The following HIBADH variants were observed in gnomAD, a reference collection of about 807,000 sequenced individuals.
HIBADH encodes the protein 3-hydroxyisobutyrate dehydrogenase.
A neutral mutation model predicts 36.1 loss-of-function variants in HIBADH; 25 were observed. The ratio of observed to expected loss-of-function variants is 0.69; its 90% CI spans 0.50 to 0.97. The LOEUF (loss-of-function observed/expected upper bound fraction) is 0.97, where lower values mean the gene tolerates loss of function less well. Ranked by LOEUF, HIBADH falls within the 50% of genes least tolerant of loss-of-function variation. The pLI is 0.00. For synonymous variants in HIBADH, 160 were observed against 149.5 expected (o/e 1.07, Z -0.51); for missense variants, 421 against 418.0 (o/e 1.01, Z -0.06).
chr7:27,609,100 T>C (rs1031307010), intron 4 of HIBADH, among the ~76,000 whole-genome samples: 7 of 152,196 alleles, frequency 4.6e-5, no homozygotes, highest in Admixed American at 2.0e-4. Flanking sequence ...TTGGCAATAA[T>C]AGTAATTATT....
intron 7 of HIBADH, among the ~76,000 whole-genome samples, chr7:27,529,780 A>C (rs1428691997): frequency 6.6e-6 from 1 of 152,238 alleles, no homozygotes; most frequent in Non-Finnish European, 1.5e-5. Context: ...AAATGCTATC[A>C]AACAGTAGCA....
chr7:27,537,365 T>C (rs912485110), intron 6 of HIBADH, among the ~76,000 whole-genome samples: 1 of 152,176 alleles, frequency 6.6e-6, no homozygotes, highest in Admixed American at 6.6e-5. Context: ...CATCTTGATA[T>C]GGTAATTAAG....
At chr7:27,633,379 T>G (rs2128294779) in intron 2 of HIBADH, among the ~76,000 whole-genome samples, 1 of 152,262 alleles carries the variant, frequency 6.6e-6, no homozygotes, top group South Asian at 2.1e-4. Flanking sequence ...AAGAATCAGC[T>G]GGGCACAATG....
chr7:27,662,305 G>A (rs1343268546), intron 1 of HIBADH, among the ~76,000 whole-genome samples: 1 of 152,128 alleles, frequency 6.6e-6, no homozygotes, highest in African/African-American at 2.4e-5. Context: ...TGGGGGCGCT[G>A]AAAGACCAGG....
At chr7:27,648,292 C>T (rs1786114162) in intron 2 of HIBADH, among the ~76,000 whole-genome samples, 3 of 152,120 alleles carry the variant, frequency 2.0e-5, no homozygotes, top group Non-Finnish European at 2.9e-5. Flanking sequence ...GTGTAATATC[C>T]GTATTCAGAG....
chr7:27,604,380 A>T (rs1273428292), intron 4 of HIBADH, among the ~76,000 whole-genome samples: 2 of 152,086 alleles, frequency 1.3e-5, no homozygotes, highest in Non-Finnish European at 2.9e-5. Context: ...TATAATTATG[A>T]ATAGTAAGTA....
chr7:27,580,804 G>A (rs544268772), intron 4 of HIBADH, among the ~76,000 whole-genome samples: 1 of 152,262 alleles, frequency 6.6e-6, no homozygotes, highest in East Asian at 1.9e-4. Context: ...ACCTATTAAG[G>A]AACAACTCCT....
At position 27,541,602 on chromosome 7, in the gene HIBADH, C is replaced by T. The variant is rs146126219; in HGVS notation, c.618+1365G>A. ...TGTTTATCTTGAAATGGAGGGCAAA[C>T]GCAGCCGCAGACCTCAATCCATGGT... On this transcript the variant is annotated intron_variant, in intron 5 of 7. Coordinates refer to ENST00000265395, the MANE Select transcript of HIBADH (RefSeq NM_152740.4). 1.0e-3 allele frequency: 272 copies of T among 264,026 alleles called. 1 individual carries two copies. Among genetic ancestry groups the T allele is most frequent in the African/African-American group, 5.8e-3 (248 of 43,014 alleles). 16.4% of individuals were successfully genotyped at this position (264,026 alleles called of 1,614,324 possible). A position where few individuals can be genotyped will look rare whatever the true frequency, so the allele number is the denominator to read the frequency against.
At chr7:27,600,100 T>C (rs1785103812) in intron 4 of HIBADH, among the ~76,000 whole-genome samples, 1 of 152,194 alleles carries the variant, frequency 6.6e-6, no homozygotes, top group Admixed American at 6.5e-5. Flanking sequence ...TTCACATTTC[T>C]TATTTTTCTT....
chr7:27,558,044 T>C (rs958560952), intron 4 of HIBADH, among the ~76,000 whole-genome samples: 12 of 152,186 alleles, frequency 7.9e-5, no homozygotes, highest in African/African-American at 9.7e-5. Context: ...TTCTGGACTT[T>C]CCATTTTTCT....
chr7:27,634,705 C>G (rs1785807176), intron 2 of HIBADH, among the ~76,000 whole-genome samples: 1 of 152,238 alleles, frequency 6.6e-6, no homozygotes, highest in Non-Finnish European at 1.5e-5. Flanking sequence ...ATTGAGTTCT[C>G]TCCCACTGAA....
chr7:27,548,957 T>A (rs2128185180), intron 4 of HIBADH, among the ~76,000 whole-genome samples: 1 of 152,310 alleles, frequency 6.6e-6, no homozygotes, highest in East Asian at 1.9e-4. Flanking sequence ...TAGGTAGGCA[T>A]ATAAAAACTG....
chr7:27,536,062 C>T (rs901043356), intron 6 of HIBADH, among the ~76,000 whole-genome samples: 1 of 152,092 alleles, frequency 6.6e-6, no homozygotes, highest in African/African-American at 2.4e-5. Flanking sequence ...CGGGAATTTA[C>T]TACTTGGGAA....
intron 4 of HIBADH, among the ~76,000 whole-genome samples, chr7:27,595,736 C>T (rs1785023924): frequency 6.6e-6 from 1 of 151,872 alleles, no homozygotes; most frequent in Non-Finnish European, 1.5e-5. Context: ...AAGATCAATG[C>T]CTAGCACAGT....
chr7:27,647,770 A>G (rs995732506), intron 2 of HIBADH: 1 of 362,336 alleles, frequency 2.8e-6, no homozygotes, highest in Admixed American at 3.7e-5. Flanking sequence ...GAGCATCAGA[A>G]AGCTCTAGAA....
intron 4 of HIBADH, among the ~76,000 whole-genome samples, chr7:27,622,413 C>T (rs1562648125): frequency 6.6e-6 from 1 of 151,512 alleles, no homozygotes; most frequent in South Asian, 2.1e-4. Context: ...ATAAAATGAA[C>T]AGGAGAAAAT....
intron 4 of HIBADH, among the ~76,000 whole-genome samples, chr7:27,590,752 T>C (rs1231689499): frequency 6.6e-6 from 1 of 152,238 alleles, no homozygotes; most frequent in African/African-American, 2.4e-5. Flanking sequence ...AATACAACTA[T>C]CACTTTCTTC....
chr7:27,568,812 C>G (rs2128187734), intron 4 of HIBADH, among the ~76,000 whole-genome samples: 1 of 151,940 alleles, frequency 6.6e-6, no homozygotes, highest in African/African-American at 2.4e-5. Context: ...TTATGATAAT[C>G]TGGGCATAGA....
intron 2 of HIBADH, among the ~76,000 whole-genome samples, chr7:27,634,716 A>C (rs1785807465): frequency 6.6e-6 from 1 of 152,246 alleles, no homozygotes; most frequent in Non-Finnish European, 1.5e-5. Flanking sequence ...TCCCACTGAA[A>C]GAAATTAAAT....
Sources: allele counts gnomAD v4.1 joint callset (sites outside exome capture counted in the v4.1 genomes callset), GRCh38; gene constraint gnomAD v4.1.1; transcripts MANE v1.5; gene names NCBI Gene and HGNC (gene_info 2026-07-23, HGNC 2026-07-21).